AVEN: variants seen among roughly 807,000 people sequenced by gnomAD.
The protein encoded by AVEN is apoptosis and caspase activation inhibitor.
In AVEN, 41 loss-of-function variants were observed where a neutral mutation model predicts 38.1. The ratio of observed to expected loss-of-function variants is 1.08; its 90% CI spans 0.84 to 1.40. AVEN has a LOEUF of 1.40. Ranked by LOEUF, AVEN falls within the 40% of genes most tolerant of loss-of-function variation. AVEN has a pLI of 0.00. For missense variants in AVEN, 605 were observed against 438.8 expected (o/e 1.38, Z -3.38); for synonymous variants, 206 against 171.8 (o/e 1.20, Z -1.56).
intron 2 of AVEN, among the ~76,000 whole-genome samples, chr15:33,942,246 AT>A (rs918754007): frequency 2.0e-5 from 3 of 152,212 alleles, no homozygotes; most frequent in Non-Finnish European, 2.9e-5. Flanking sequence ...TTAAGATCAC[AT>A]TTTTTTATAT....
downstream of AVEN, among the ~76,000 whole-genome samples, chr15:33,854,066 G>T (rs2079382510): frequency 6.6e-6 from 1 of 151,850 alleles, no homozygotes; most frequent in Non-Finnish European, 1.5e-5. Flanking sequence ...CGTGGTGGTG[G>T]GCACCTGTAG....
At chr15:33,889,881 G>A (rs1395118127) in intron 2 of AVEN, among the ~76,000 whole-genome samples, 2 of 152,180 alleles carry the variant, frequency 1.3e-5, no homozygotes, top group Non-Finnish European at 2.9e-5. Flanking sequence ...CATTAGAGGG[G>A]AGACTCGAAG....
downstream of AVEN, among the ~76,000 whole-genome samples, chr15:33,864,590 G>A (rs1430016437): frequency 1.3e-5 from 2 of 151,402 alleles, no homozygotes; most frequent in Admixed American, 6.5e-5. Context: ...GCCTGGAGGT[G>A]TGCATGTGAG....
chr15:34,024,040 A>C (rs1400053968), intron 1 of AVEN, among the ~76,000 whole-genome samples: 1 of 152,208 alleles, frequency 6.6e-6, no homozygotes, highest in East Asian at 1.9e-4. Flanking sequence ...CCAGAAAATA[A>C]ATGTGAATGT....
chr15:33,944,854 C>A (rs1452644991), intron 2 of AVEN, among the ~76,000 whole-genome samples: 1 of 150,146 alleles, frequency 6.7e-6, no homozygotes, highest in Non-Finnish European at 1.5e-5. Flanking sequence ...AAAGAGAAAA[C>A]CTTGAAGTAA....
intron 2 of AVEN, among the ~76,000 whole-genome samples, chr15:33,951,841 T>C (rs890668936): frequency 6.6e-6 from 1 of 152,306 alleles, no homozygotes; most frequent in Middle Eastern, 3.4e-3. Flanking sequence ...AGAGGAAAGT[T>C]TGATAAATAG....
chr15:33,852,869 C>G, the AVEN span: 1 of 594,752 alleles, frequency 1.7e-6, no homozygotes, highest in East Asian at 3.0e-5. Flanking sequence ...TGAAGCCATA[C>G]ATGACTCAGT....
chr15:33,892,943 C>G (rs8038636), intron 2 of AVEN, among the ~76,000 whole-genome samples: 5,993 of 152,144 alleles, frequency 0.039, 344 homozygotes, highest in South Asian at 0.14. Flanking sequence ...CTTCACATCC[C>G]TTGTAATTTG....
At chr15:33,956,659 C>T (rs987364622) in intron 2 of AVEN, among the ~76,000 whole-genome samples, 3 of 152,130 alleles carry the variant, frequency 2.0e-5, no homozygotes, top group East Asian at 1.9e-4. Flanking sequence ...TGCAGAAATT[C>T]GTCACTTTTA....
chr15:34,053,161 A>T (rs941493011), intron 5 of AVEN, among the ~76,000 whole-genome samples: 53 of 151,140 alleles, frequency 3.5e-4, no homozygotes, highest in Non-Finnish European at 6.6e-4. Context: ...TTATCCAGAC[A>T]TGGTGGTGGG....
downstream of AVEN, chr15:33,865,878 T>C (rs2153031480): frequency 6.5e-6 from 1 of 152,720 alleles, no homozygotes; most frequent in Middle Eastern, 3.4e-3. Context: ...TTTATGAAAC[T>C]GCACTTGAAG....
chr15:33,921,800 G>T (rs1226487760), intron 2 of AVEN, among the ~76,000 whole-genome samples: 1 of 152,138 alleles, frequency 6.6e-6, no homozygotes, highest in East Asian at 1.9e-4. Context: ...GAGAACAGAA[G>T]AAAACTCAGC....
chr15:33,877,243 A>G (rs1401040432), intron 2 of AVEN, among the ~76,000 whole-genome samples: 1 of 152,208 alleles, frequency 6.6e-6, no homozygotes, highest in Non-Finnish European at 1.5e-5. Context: ...TTCTCATCTA[A>G]ATAACTGAAA....
At chr15:33,937,815 G>A in intron 2 of AVEN, among the ~76,000 whole-genome samples, 1 of 151,346 alleles carries the variant, frequency 6.6e-6, no homozygotes, top group East Asian at 1.9e-4. Flanking sequence ...AACCCTTCTG[G>A]TACCTTGATC....
intron 2 of AVEN, among the ~76,000 whole-genome samples, chr15:33,993,635 G>C (rs770318651): frequency 6.6e-6 from 1 of 152,144 alleles, no homozygotes; most frequent in African/African-American, 2.4e-5. Context: ...ATACATATGA[G>C]CTTATAGAAT....
chr15:33,939,493 T>C lies in AVEN; in HGVS notation c.446-63498A>G, dbSNP rs139957887. Among the ~76,000 whole-genome samples the C allele has an allele frequency of 1.0e-3, 154 of 152,194 alleles. 1 individual carries two copies. Among genetic ancestry groups the C allele is most frequent in the African/African-American group, 3.5e-3 (147 of 41,518 alleles). The stretch of plus-strand genomic sequence containing the variant: ...AATATATTTACAGAGAGACAGATAA[T>C]GAGCAACAGAGAAAGACAACTCACT... On this transcript the variant is annotated intron_variant, in intron 2 of 5. Coordinates refer to ENST00000306730, the MANE Select transcript of AVEN (RefSeq NM_020371.3).
chr15:33,900,001 A>G (rs900762828), intron 2 of AVEN, among the ~76,000 whole-genome samples: 1 of 152,078 alleles, frequency 6.6e-6, no homozygotes, highest in Admixed American at 6.6e-5. Flanking sequence ...CAGAGAATCT[A>G]ACTTACAGCA....
At chr15:33,967,094 T>C (rs1177666917) in intron 2 of AVEN, among the ~76,000 whole-genome samples, 2 of 152,132 alleles carry the variant, frequency 1.3e-5, no homozygotes, top group Non-Finnish European at 2.9e-5. Context: ...CTTTTCAGTA[T>C]CATGCAATGT....
chr15:33,943,718 G>A (rs1050859481), intron 2 of AVEN, among the ~76,000 whole-genome samples: 6 of 151,346 alleles, frequency 4.0e-5, no homozygotes, highest in Non-Finnish European at 7.4e-5. Flanking sequence ...CCAGCTACTT[G>A]GGAAGCTGCG....
Sources: gnomAD v4.1 joint callset for allele counts (sites outside exome capture counted in the v4.1 genomes callset) on GRCh38, gnomAD v4.1.1 for gene constraint, MANE v1.5 for transcripts, NCBI Gene and HGNC (gene_info 2026-07-23, HGNC 2026-07-21) for gene names.